S100A8: variants seen among roughly 807,000 people sequenced by gnomAD.
S100A8 encodes protein S100-A8.
Under a neutral mutation model 4.2 loss-of-function variants are expected in S100A8, and 1 was observed. The observed-to-expected ratio is 0.24, with a 90% CI of 0.08 to 1.12. The LOEUF (loss-of-function observed/expected upper bound fraction) is 1.12. Among genes scored for constraint, S100A8 ranks in the 50% most tolerant of loss-of-function variants. The pLI, the probability that S100A8 is intolerant of heterozygous loss-of-function variation, is 0.53. For missense variants in S100A8, 96 were observed against 111.8 expected (o/e 0.86, Z 0.64); for synonymous variants, 41 against 44.7 (o/e 0.92, Z 0.33).
chr1:153,404,313 C>T, the S100A8 span, among the ~76,000 whole-genome samples: 3 of 152,280 alleles, frequency 2.0e-5, no homozygotes, highest in South Asian at 2.1e-4. Flanking sequence ...CTTCCCCAGC[C>T]GCTCTGTGGA....
chr1:153,415,307 A>G, the S100A8 span, among the ~76,000 whole-genome samples: 1 of 152,238 alleles, frequency 6.6e-6, no homozygotes, highest in Admixed American at 6.5e-5. Flanking sequence ...GAAGTTGAAG[A>G]AAGATGATGG....
chr1:153,391,849 G>T (rs1662107344), upstream of S100A8, among the ~76,000 whole-genome samples: 1 of 152,152 alleles, frequency 6.6e-6, no homozygotes, highest in Admixed American at 6.5e-5. Flanking sequence ...TTGTGTCTGG[G>T]ACCCCAGGAT....
At chr1:153,411,708 A>G in the S100A8 span, among the ~76,000 whole-genome samples, 18,468 of 152,282 alleles carry the variant, frequency 0.12, 1,144 homozygotes, top group African/African-American at 0.15. Context: ...AGTGGGAGGC[A>G]TCACACTACC....
chr1:153,400,085 A>G, the S100A8 span, among the ~76,000 whole-genome samples: 1 of 152,148 alleles, frequency 6.6e-6, no homozygotes, highest in African/African-American at 2.4e-5. Flanking sequence ...TTAGAAAAGC[A>G]CCACAGACTT....
the S100A8 span, among the ~76,000 whole-genome samples, chr1:153,405,964 A>G: frequency 6.6e-6 from 1 of 152,124 alleles, no homozygotes; most frequent in African/African-American, 2.4e-5. Context: ...CTGCTGCACG[A>G]GTCCAGAGAT....
the S100A8 span, chr1:153,417,836 T>C: frequency 1.8e-3 from 885 of 490,816 alleles, 3 homozygotes; most frequent in Non-Finnish European, 2.4e-3. Flanking sequence ...GCTGGACTTC[T>C]GCCATCCACC....
At chr1:153,399,638 G>A in the S100A8 span, among the ~76,000 whole-genome samples, 2 of 152,126 alleles carry the variant, frequency 1.3e-5, no homozygotes, top group African/African-American at 2.4e-5. Flanking sequence ...CAGCTCACAG[G>A]GTGGGGACAT....
the S100A8 span, chr1:153,420,514 T>C: frequency 6.6e-6 from 1 of 152,308 alleles, no homozygotes; most frequent in South Asian, 2.1e-4. Context: ...TCTCTTTCCA[T>C]CCTACCAGCA....
the S100A8 span, among the ~76,000 whole-genome samples, chr1:153,418,849 G>C: frequency 6.6e-6 from 1 of 152,136 alleles, no homozygotes; most frequent in Non-Finnish European, 1.5e-5. Context: ...CTGGGAACAG[G>C]CAAGATTGAG....
At chr1:153,403,813 A>G in the S100A8 span, among the ~76,000 whole-genome samples, 6 of 152,038 alleles carry the variant, frequency 3.9e-5, no homozygotes, top group African/African-American at 1.4e-4. Flanking sequence ...ACACCAACCA[A>G]TTCTCCAACA....
At chr1:153,419,565 C>T in the S100A8 span, 2 of 497,138 alleles carry the variant, frequency 4.0e-6, no homozygotes, top group South Asian at 7.0e-5. Flanking sequence ...TCTGCCTCTG[C>T]ACCGTTCCCT....
At chr1:153,411,626 AACT>A in the S100A8 span, among the ~76,000 whole-genome samples, 1 of 152,192 alleles carries the variant, frequency 6.6e-6, no homozygotes, top group Non-Finnish European at 1.5e-5. Context: ...ATTGGGAAAA[AACT>A]ACTTTAAAAT....
At chr1:153,420,876 T>A in the S100A8 span, 1 of 152,220 alleles carries the variant, frequency 6.6e-6, no homozygotes, top group Non-Finnish European at 1.5e-5. Flanking sequence ...CTCTTTCCTC[T>A]CTTAGCTCTG....
chr1:153,417,711 T>C, the S100A8 span, among the ~76,000 whole-genome samples: 2 of 152,182 alleles, frequency 1.3e-5, no homozygotes, highest in Non-Finnish European at 1.5e-5. Flanking sequence ...TGGTGCTGTT[T>C]CAAGAGTGGG....
chr1:153,410,795 G>A, the S100A8 span, among the ~76,000 whole-genome samples: 1 of 152,066 alleles, frequency 6.6e-6, no homozygotes, highest in African/African-American at 2.4e-5. Flanking sequence ...TGATCAAGTG[G>A]GCTTAATCCC....
At chr1:153,399,177 G>T in the S100A8 span, among the ~76,000 whole-genome samples, 1 of 152,176 alleles carries the variant, frequency 6.6e-6, no homozygotes, top group Non-Finnish European at 1.5e-5. Flanking sequence ...ACCTGTGTGA[G>T]CCGCGAACCC....
chr1:153,399,809 G>T, the S100A8 span, among the ~76,000 whole-genome samples: 5 of 152,118 alleles, frequency 3.3e-5, no homozygotes, highest in East Asian at 7.7e-4. Context: ...GAGACATTTT[G>T]AGTTGCAAGG....
chr1:153,395,078 G>A (rs527386011), upstream of S100A8, among the ~76,000 whole-genome samples: 45 of 152,222 alleles, frequency 3.0e-4, no homozygotes, highest in African/African-American at 9.4e-4. Context: ...ACAGAGCAAG[G>A]GCAGGGACAG....
upstream of S100A8, among the ~76,000 whole-genome samples, chr1:153,395,966 T>C (rs1207863463): frequency 1.3e-5 from 2 of 152,234 alleles, no homozygotes; most frequent in African/African-American, 4.8e-5. Context: ...GAGCGGCATG[T>C]TAGTTCACCC....
Sources: allele counts gnomAD v4.1 joint callset (sites outside exome capture counted in the v4.1 genomes callset), GRCh38; gene constraint gnomAD v4.1.1; transcripts MANE v1.5; gene names NCBI Gene and HGNC (gene_info 2026-07-23, HGNC 2026-07-21).